PATJ: variants seen among roughly 807,000 people sequenced by gnomAD.
PATJ encodes inaD-like protein.
Under a neutral mutation model 224.9 loss-of-function variants are expected in PATJ, and 190 were observed. That is an observed-to-expected ratio of 0.84 (90% confidence interval 0.75 to 0.95). PATJ has a LOEUF of 0.95. Ranked by LOEUF, PATJ falls within the 40% of genes least tolerant of loss-of-function variation. The pLI is 0.00. For missense variants in PATJ, 2,121 were observed against 2,270.3 expected, an observed-to-expected ratio of 0.93 and a Z score of 1.34; for synonymous variants, 769 against 820.3, an observed-to-expected ratio of 0.94 and a Z score of 1.07.
intron 41 of PATJ, among the ~76,000 whole-genome samples, chr1:62,138,365 TG>T (rs1233408443): frequency 1.3e-5 from 2 of 152,166 alleles, no homozygotes; most frequent in African/African-American, 4.8e-5. Flanking sequence ...TGGAATGCAG[TG>T]GCACAATCTC....
intron 25 of PATJ, among the ~76,000 whole-genome samples, chr1:61,912,226 T>C (rs994129351): frequency 6.6e-6 from 1 of 152,156 alleles, no homozygotes; most frequent in Non-Finnish European, 1.5e-5. Context: ...TCCTGAAAGG[T>C]GGAGTCTCAT....
intron 40 of PATJ, 115 bp downstream of exon 40, chr1:62,128,209 C>T: frequency 8.4e-7 from 1 of 1,193,224 alleles, no homozygotes; most frequent in Non-Finnish European, 1.2e-6. Flanking sequence ...GAGACCCAGG[C>T]TGAGGGCAAG....
rs1646877155 is a variant in PATJ at position 62,017,916 on chromosome 1, G to C, written c.3928G>C (p.Ala1310Pro). The change falls in exon 29 of 44, where the codon GCC becomes CCC. Residue 1310 changes from alanine (A) to proline (P), a missense_variant. Transcript: ENST00000642238. ...HQNASAIIKT[A>P]PSKVKLVFIR... ...AAATGCATCTGCCATTATTAAGACT[G>C]CCCCATCAAAGGTCAAGCTGGTTTT... The C allele has an allele frequency of 1.2e-6, 2 of 1,611,860 alleles. No individual in the cohort carries two copies. The highest frequency in any genetic ancestry group is 2.7e-5 in the African/African-American group (2 of 74,864).
chr1:61,976,332 C>G (rs1357887743), intron 27 of PATJ, among the ~76,000 whole-genome samples: 13 of 152,066 alleles, frequency 8.5e-5, no homozygotes, highest in Admixed American at 8.5e-4. Flanking sequence ...TCCATAACCT[C>G]CACTGGCCTC....
chr1:61,807,576 GAAGTTGGAAATTTA>G (rs1441885941), intron 13 of PATJ, among the ~76,000 whole-genome samples: 1 of 152,220 alleles, frequency 6.6e-6, no homozygotes, highest in Non-Finnish European at 1.5e-5. Flanking sequence ...GACAGAATTT[GAAGTTGGAAATTTA>G]AAGTGACAGC....
rs1238271237 is a variant in PATJ, at chr1:62,106,174, A to G, written c.4378-2263A>G. Reference sequence around the variant, plus strand: ...TGTGTGTGTGTATATATATATATATATATATATATATATGGCTGGGCACAG... The same window carrying G: ...TGTGTGTGTGTATATATATATATATGTATATATATATATGGCTGGGCACAG... On this transcript the variant is annotated intron_variant, in intron 33 of 43. Coordinates refer to ENST00000642238, the MANE Select transcript of PATJ (RefSeq NM_001350145.3). Among the ~76,000 whole-genome samples, 23 of 102,512 alleles carry G rather than the reference A, an allele frequency of 2.2e-4. 3 individuals carry two copies. Among genetic ancestry groups the G allele is most frequent in the Middle Eastern group, 6.0e-3 (1 of 166 alleles). 67.3% of individuals were successfully genotyped at this position (102,512 alleles called of 152,430 possible).
At chr1:61,920,191 T>C (rs903605221) in intron 26 of PATJ, among the ~76,000 whole-genome samples, 24 of 152,196 alleles carry the variant, frequency 1.6e-4, no homozygotes, top group Non-Finnish European at 1.2e-4. Flanking sequence ...CTTTTATTAA[T>C]ATGTGGCAGT....
At chr1:61,866,098 C>T (rs573387516) in intron 20 of PATJ, among the ~76,000 whole-genome samples, 24 of 152,328 alleles carry the variant, frequency 1.6e-4, no homozygotes, top group Admixed American at 5.9e-4. Context: ...GCTCCGTTGA[C>T]GTTGGTACTT....
At chr1:61,799,077 C>T (rs1004492169) in intron 11 of PATJ, among the ~76,000 whole-genome samples, 16 of 152,172 alleles carry the variant, frequency 1.1e-4, no homozygotes, top group Non-Finnish European at 2.4e-4. Context: ...GATAGTAGAA[C>T]TTTTGTTGCT....
intron 15 of PATJ, among the ~76,000 whole-genome samples, chr1:61,823,435 T>C (rs1286239195): frequency 6.6e-6 from 1 of 152,254 alleles, no homozygotes; most frequent in Non-Finnish European, 1.5e-5. Context: ...GGACTACAGC[T>C]GAATGACCTC....
intron 22 of PATJ, among the ~76,000 whole-genome samples, chr1:61,896,461 T>C (rs746108172): frequency 1.4e-4 from 21 of 152,190 alleles, no homozygotes; most frequent in Non-Finnish European, 2.9e-4. Context: ...AACTTGTTTT[T>C]GATTTTACAG....
chr1:62,124,244 G>A (rs561767149), intron 39 of PATJ, among the ~76,000 whole-genome samples: 127 of 152,026 alleles, frequency 8.4e-4, no homozygotes, highest in African/African-American at 2.8e-3. Flanking sequence ...CACCACGCCC[G>A]GCTAATTTTT....
chr1:61,779,036 A>G (rs991403245), intron 7 of PATJ, among the ~76,000 whole-genome samples: 3 of 31,902 alleles, frequency 9.4e-5, no homozygotes, highest in African/African-American at 2.2e-4. Flanking sequence ...TCTTTTAAAA[A>G]TATAATGACA....
At chr1:62,158,647 C>T (rs1018599314) in intron 43 of PATJ, among the ~76,000 whole-genome samples, 1 of 130,660 alleles carries the variant, frequency 7.7e-6, no homozygotes, top group Non-Finnish European at 1.7e-5. Context: ...TGTGAACCGG[C>T]GAGGCAGAGC....
rs867970683 is a variant in PATJ at position 62,114,109 on chromosome 1, G to A, written c.4518G>A (p.Arg1506=). The A allele has an allele frequency of 6.2e-7, 1 of 1,614,062 alleles. No homozygotes were observed. Among genetic ancestry groups the A allele is most frequent in the Non-Finnish European group, 8.5e-7 (1 of 1,180,030 alleles). ...ACGAAGAAGCCATCACAGCCCTGAG[G>A]CAGACCCCCCAGAAGGTGCGGCTGG... ...SSHEEAITAL[R]QTPQKVRLVV... Residue 1506 remains arginine, a synonymous_variant, in exon 35 of 44, where the codon AGG becomes AGA. Coordinates refer to ENST00000642238, the MANE Select transcript of PATJ (RefSeq NM_001350145.3).
intron 37 of PATJ, 94 bp from the exon 38 acceptor site, chr1:62,121,087 G>C: frequency 1.3e-6 from 1 of 763,316 alleles, no homozygotes; most frequent in Non-Finnish European, 2.2e-6. Flanking sequence ...GATGGTTATG[G>C]TGACATCAGT....
chr1:62,128,713 A>G, intron 40 of PATJ, 128 bp from the exon 41 acceptor site: 1 of 685,402 alleles, frequency 1.5e-6, no homozygotes, highest in East Asian at 2.6e-5. Context: ...ACATGCATGC[A>G]CGGTAGTAAC....
chr1:62,104,073 G>A (rs1407131607), intron 33 of PATJ, among the ~76,000 whole-genome samples: 1 of 147,564 alleles, frequency 6.8e-6, no homozygotes, highest in Non-Finnish European at 1.5e-5. Context: ...ACTGGTATTT[G>A]TAGGCTGGAG....
intron 26 of PATJ, among the ~76,000 whole-genome samples, chr1:61,916,042 A>T (rs1436551587): frequency 2.0e-5 from 3 of 151,870 alleles, no homozygotes; most frequent in African/African-American, 7.3e-5. Flanking sequence ...ATTCCTAGGT[A>T]TTTTATTTTG....
Sources: gnomAD v4.1 joint callset for allele counts (sites outside exome capture counted in the v4.1 genomes callset) on GRCh38, gnomAD v4.1.1 for gene constraint, MANE v1.5 for transcripts, NCBI Gene and HGNC (gene_info 2026-07-23, HGNC 2026-07-21) for gene names.